C1QTNF3: variants seen among roughly 807,000 people sequenced by gnomAD.
C1QTNF3 encodes the protein complement C1q tumor necrosis factor-related protein 3.
A neutral mutation model predicts 32.6 loss-of-function variants in C1QTNF3; 26 were observed. The ratio of observed to expected loss-of-function variants is 0.80; its 90% CI spans 0.58 to 1.11. C1QTNF3 has a LOEUF of 1.11. Among genes scored for constraint, C1QTNF3 ranks in the 50% least tolerant of loss-of-function variants. The probability of loss-of-function intolerance (pLI) is 0.00; values close to 1 mark genes in which losing one functional copy is unlikely to be tolerated. For synonymous variants in C1QTNF3, 155 were observed against 146.0 expected (o/e 1.06, Z -0.44); for missense variants, 362 against 398.2 (o/e 0.91, Z 0.77).
chr5:34,178,474 T>A, the C1QTNF3 span, among the ~76,000 whole-genome samples: 1 of 152,252 alleles, frequency 6.6e-6, no homozygotes, highest in African/African-American at 2.4e-5. Flanking sequence ...AACCCTGGAG[T>A]TACTAAATCA....
chr5:34,229,458 G>A, the C1QTNF3 span, among the ~76,000 whole-genome samples: 1 of 152,130 alleles, frequency 6.6e-6, no homozygotes, highest in Non-Finnish European at 1.5e-5. Context: ...ACATATTGAT[G>A]TGGTAGTCAG....
chr5:34,150,292 G>A, the C1QTNF3 span, among the ~76,000 whole-genome samples: 3 of 92,166 alleles, frequency 3.3e-5, no homozygotes, highest in South Asian at 1.3e-3. Context: ...ACATTAGACA[G>A]ATCAACGAGA....
At chr5:34,132,435 G>GTATGTATA in the C1QTNF3 span, among the ~76,000 whole-genome samples, 7 of 137,742 alleles carry the variant, frequency 5.1e-5, no homozygotes, top group African/African-American at 8.7e-5. Flanking sequence ...GTATGTGTAT[G>GTATGTATA]TATATATATA....
At chr5:34,046,196 A>G (rs559328531), upstream of C1QTNF3, among the ~76,000 whole-genome samples, 3 of 152,316 alleles carry the variant, frequency 2.0e-5, no homozygotes, top group East Asian at 1.9e-4. Flanking sequence ...TATTTGCTTT[A>G]TATCTGTGTT....
the C1QTNF3 span, among the ~76,000 whole-genome samples, chr5:34,143,701 G>T: frequency 7.8e-4 from 118 of 152,142 alleles, no homozygotes; most frequent in Admixed American, 1.1e-3. Context: ...CATCAATGAA[G>T]AAATAAAATT....
the C1QTNF3 span, among the ~76,000 whole-genome samples, chr5:34,050,592 A>G: frequency 1.3e-5 from 2 of 152,194 alleles, no homozygotes; most frequent in African/African-American, 4.8e-5. Flanking sequence ...AGGTAAGAGC[A>G]CATACTTACT....
At chr5:34,023,343 T>C (rs1168218570) in intron 5 of C1QTNF3, among the ~76,000 whole-genome samples, 1 of 152,212 alleles carries the variant, frequency 6.6e-6, no homozygotes, top group African/African-American at 2.4e-5. Context: ...GATCTCTTAC[T>C]TGCAACAATT....
chr5:34,177,410 G>A, the C1QTNF3 span, among the ~76,000 whole-genome samples: 1 of 151,840 alleles, frequency 6.6e-6, no homozygotes, highest in South Asian at 2.1e-4. Flanking sequence ...TTGACCTACT[G>A]GGCTCAAACA....
chr5:34,211,621 T>C, the C1QTNF3 span, among the ~76,000 whole-genome samples: 10 of 146,126 alleles, frequency 6.8e-5, no homozygotes, highest in East Asian at 2.1e-3. Flanking sequence ...AATTCCCACG[T>C]ATGAGTGAGA....
chr5:34,214,344 G>C, the C1QTNF3 span, among the ~76,000 whole-genome samples: 60 of 151,766 alleles, frequency 4.0e-4, no homozygotes, highest in Non-Finnish European at 6.6e-4. Context: ...ATTTCCAGAA[G>C]AAAAGTATGT....
chr5:34,216,866 A>G, the C1QTNF3 span, among the ~76,000 whole-genome samples: 14 of 152,306 alleles, frequency 9.2e-5, 1 homozygote, highest in Admixed American at 5.2e-4. Context: ...ATGCATTGCC[A>G]CTAGAATTGT....
chr5:34,228,233 A>C, the C1QTNF3 span, among the ~76,000 whole-genome samples: 2 of 151,960 alleles, frequency 1.3e-5, no homozygotes, highest in Non-Finnish European at 2.9e-5. Context: ...AGTTAGTAAC[A>C]GCTAAACCAA....
chr5:34,161,366 C>G, the C1QTNF3 span, among the ~76,000 whole-genome samples: 1 of 151,770 alleles, frequency 6.6e-6, no homozygotes, highest in Non-Finnish European at 1.5e-5. Flanking sequence ...ACTAACAGGC[C>G]ACTTAGAGAA....
the C1QTNF3 span, among the ~76,000 whole-genome samples, chr5:34,162,276 G>A: frequency 6.6e-6 from 1 of 152,074 alleles, no homozygotes; most frequent in Non-Finnish European, 1.5e-5. Flanking sequence ...GTCAAGAGTA[G>A]GCAAAAGCAA....
intron 4 of C1QTNF3, among the ~76,000 whole-genome samples, chr5:34,027,355 T>C (rs1047933750): frequency 1.3e-5 from 2 of 152,192 alleles, no homozygotes; most frequent in Non-Finnish European, 2.9e-5. Context: ...ATACTGATAA[T>C]ATTCCTAAAA....
At chr5:34,039,552 C>T (rs1379647506) in intron 1 of C1QTNF3, among the ~76,000 whole-genome samples, 1 of 152,146 alleles carries the variant, frequency 6.6e-6, no homozygotes, top group Non-Finnish European at 1.5e-5. Flanking sequence ...CTTCTACATT[C>T]CCCAACTCCC....
At chr5:34,221,098 T>C in the C1QTNF3 span, among the ~76,000 whole-genome samples, 8 of 152,056 alleles carry the variant, frequency 5.3e-5, no homozygotes, top group African/African-American at 1.9e-4. Context: ...TAGCAAAATG[T>C]TTTTTTCTTA....
the C1QTNF3 span, among the ~76,000 whole-genome samples, chr5:34,171,436 T>C: frequency 6.6e-6 from 1 of 151,980 alleles, no homozygotes; most frequent in South Asian, 2.1e-4. Context: ...AAGTGAAATG[T>C]CTAATTTCCC....
chr5:34,054,844 C>T, the C1QTNF3 span, among the ~76,000 whole-genome samples: 3 of 152,134 alleles, frequency 2.0e-5, no homozygotes, highest in Non-Finnish European at 4.4e-5. Context: ...CTCCATCTCC[C>T]CCTTTTCTCC....
Sources: gnomAD v4.1 joint callset for allele counts (sites outside exome capture counted in the v4.1 genomes callset) on GRCh38, gnomAD v4.1.1 for gene constraint, MANE v1.5 for transcripts, NCBI Gene and HGNC (gene_info 2026-07-23, HGNC 2026-07-21) for gene names.